ZC3H12B: variants seen among roughly 807,000 people sequenced by gnomAD.
The protein encoded by ZC3H12B is probable ribonuclease ZC3H12B.
In ZC3H12B, 7 loss-of-function variants were observed where a neutral mutation model predicts 43.9. The observed-to-expected ratio is 0.16, with a 90% CI of 0.09 to 0.30. ZC3H12B has a LOEUF of 0.30. Among genes scored for constraint, ZC3H12B ranks in the 10% least tolerant of loss-of-function variants. ZC3H12B has a pLI of 1.00. For missense variants in ZC3H12B, 475 were observed against 670.2 expected (o/e 0.71, Z 3.22); for synonymous variants, 222 against 241.7 (o/e 0.92, Z 0.76).
chrX:65,162,776 C>T, the ZC3H12B span, among the ~76,000 whole-genome samples: 1 of 112,371 alleles, frequency 8.9e-6, no homozygotes, highest in African/African-American at 3.3e-5. Context: ...TCGTCAAAGT[C>T]ATTCTCTGTC....
At chrX:65,485,500 C>T (rs1465137587), upstream of ZC3H12B, among the ~76,000 whole-genome samples, 2 of 112,693 alleles carry the variant, frequency 1.8e-5, no homozygotes, top group Non-Finnish European at 3.8e-5. Flanking sequence ...AAGCGATCCT[C>T]CTGCCTTGGC....
chrX:65,255,656 A>T, the ZC3H12B span, among the ~76,000 whole-genome samples: 6 of 112,280 alleles, frequency 5.3e-5, no homozygotes, highest in Middle Eastern at 4.6e-3. Flanking sequence ...ACCAACTAGC[A>T]ACATGATAGA....
At chrX:65,132,386 G>A in the ZC3H12B span, among the ~76,000 whole-genome samples, 1 of 110,917 alleles carries the variant, frequency 9.0e-6, no homozygotes, top group Non-Finnish European at 1.9e-5. Flanking sequence ...CCTGTTGTGG[G>A]ATGGGATACT....
At chrX:65,253,625 G>A in the ZC3H12B span, among the ~76,000 whole-genome samples, 2 of 104,784 alleles carry the variant, frequency 1.9e-5, no homozygotes, top group African/African-American at 8.4e-5. Flanking sequence ...CCTTCTACCT[G>A]ATAGCCCCCC....
chrX:65,459,155 C>G (rs2067688012), intron 3 of ZC3H12B, among the ~76,000 whole-genome samples: 1 of 111,680 alleles, frequency 9.0e-6, no homozygotes, highest in Non-Finnish European at 1.9e-5. Context: ...CAAGACTAAA[C>G]CAGGAAGAAG....
At chrX:65,501,587 T>C (rs1376257736) in intron 4 of ZC3H12B, among the ~76,000 whole-genome samples, 1 of 111,266 alleles carries the variant, frequency 9.0e-6, no homozygotes. Flanking sequence ...ATTTTCTCCA[T>C]AGCTTTCCAC....
At chrX:65,226,590 T>C in the ZC3H12B span, among the ~76,000 whole-genome samples, 3 of 111,044 alleles carry the variant, frequency 2.7e-5, no homozygotes, top group Admixed American at 9.6e-5. Flanking sequence ...GACTGGCAAA[T>C]TGGATAAAGA....
the ZC3H12B span, among the ~76,000 whole-genome samples, chrX:65,361,205 T>C: frequency 8.9e-6 from 1 of 112,502 alleles, no homozygotes; most frequent in East Asian, 2.8e-4. Flanking sequence ...AACTGATACA[T>C]TTTGACATTC....
chrX:65,472,018 AC>A (rs918243860), intron 3 of ZC3H12B, among the ~76,000 whole-genome samples: 6 of 108,538 alleles, frequency 5.5e-5, no homozygotes, highest in Admixed American at 9.9e-5. Context: ...GTAGTGAAAA[AC>A]TCCCTCAGCA....
chrX:65,174,946 A>G, the ZC3H12B span, among the ~76,000 whole-genome samples: 1 of 111,275 alleles, frequency 9.0e-6, no homozygotes, highest in South Asian at 3.8e-4. Context: ...AAACAAAAAA[A>G]AAAAACTCCT....
At chrX:65,248,465 C>T in the ZC3H12B span, among the ~76,000 whole-genome samples, 1 of 111,710 alleles carries the variant, frequency 9.0e-6, no homozygotes, top group African/African-American at 3.3e-5. Flanking sequence ...CAATATTTAG[C>T]CCGGATAGAA....
At chrX:65,250,831 A>C in the ZC3H12B span, among the ~76,000 whole-genome samples, 3 of 111,181 alleles carry the variant, frequency 2.7e-5, no homozygotes, top group Non-Finnish European at 5.7e-5. Context: ...TGGATTCTGG[A>C]TATTAGCCCT....
At chrX:65,172,551 G>T in the ZC3H12B span, among the ~76,000 whole-genome samples, 3 of 112,152 alleles carry the variant, frequency 2.7e-5, no homozygotes, top group Non-Finnish European at 3.8e-5. Flanking sequence ...GATTTTTATG[G>T]TTTTGGGTTT....
At chrX:65,232,126 A>G in the ZC3H12B span, among the ~76,000 whole-genome samples, 16 of 110,704 alleles carry the variant, frequency 1.4e-4, no homozygotes, top group African/African-American at 5.2e-4. Context: ...CTGTAGTCCC[A>G]GCTACTTGGG....
the ZC3H12B span, among the ~76,000 whole-genome samples, chrX:65,177,572 A>G: frequency 8.9e-6 from 1 of 112,245 alleles, no homozygotes; most frequent in Non-Finnish European, 1.9e-5. Context: ...ATAAGCAACT[A>G]CAGCAAAGTC....
At chrX:65,426,635 C>T (rs756820392) in intron 3 of ZC3H12B, among the ~76,000 whole-genome samples, 2 of 111,284 alleles carry the variant, frequency 1.8e-5, no homozygotes, top group East Asian at 5.6e-4. Context: ...TTAACACTGA[C>T]TTAGCTGCAT....
intron 2 of ZC3H12B, among the ~76,000 whole-genome samples, chrX:65,388,920 TG>T (rs1300883634): frequency 8.9e-6 from 1 of 111,969 alleles, no homozygotes; most frequent in African/African-American, 3.2e-5. Context: ...TCCTGTTTCC[TG>T]GGTATCAGCA....
At chrX:65,313,695 A>C in the ZC3H12B span, among the ~76,000 whole-genome samples, 1 of 112,505 alleles carries the variant, frequency 8.9e-6, no homozygotes, top group East Asian at 2.8e-4. Flanking sequence ...ACAAACACAA[A>C]TTAAGTTTTT....
At chrX:65,289,586 T>C in the ZC3H12B span, among the ~76,000 whole-genome samples, 1 of 109,571 alleles carries the variant, frequency 9.1e-6, no homozygotes, top group Admixed American at 9.8e-5. Flanking sequence ...ATATCTAATT[T>C]GATATTATAT....
Sources: gnomAD v4.1 joint callset for allele counts (sites outside exome capture counted in the v4.1 genomes callset) on GRCh38, gnomAD v4.1.1 for gene constraint, MANE v1.5 for transcripts, NCBI Gene and HGNC (gene_info 2026-07-23, HGNC 2026-07-21) for gene names.